KCNIP4: variants seen among roughly 807,000 people sequenced by gnomAD.
The protein encoded by KCNIP4 is potassium voltage-gated channel interacting protein 4.
Under a neutral mutation model 34.0 loss-of-function variants are expected in KCNIP4, and 12 were observed. The ratio of observed to expected loss-of-function variants is 0.35; its 90% CI spans 0.23 to 0.57. The LOEUF (loss-of-function observed/expected upper bound fraction) is 0.57. KCNIP4 is among the 20% of genes least tolerant of loss of function. The pLI is 0.83. For missense variants in KCNIP4, 238 were observed against 311.7 expected (o/e 0.76, Z 1.78); for synonymous variants, 124 against 102.2 (o/e 1.21, Z -1.29).
intron 1 of KCNIP4, among the ~76,000 whole-genome samples, chr4:21,524,725 T>G (rs574459220): frequency 6.6e-6 from 1 of 152,180 alleles, no homozygotes; most frequent in African/African-American, 2.4e-5. Flanking sequence ...AAATATTTTC[T>G]GTCTATCTCC....
intron 1 of KCNIP4, among the ~76,000 whole-genome samples, chr4:21,702,773 A>T (rs1712961529): frequency 6.6e-6 from 1 of 152,120 alleles, no homozygotes; most frequent in African/African-American, 2.4e-5. Flanking sequence ...GGCATGACAC[A>T]ACAACTAGAG....
At chr4:21,918,163 T>C (rs1373286101) in intron 1 of KCNIP4, among the ~76,000 whole-genome samples, 3 of 151,858 alleles carry the variant, frequency 2.0e-5, no homozygotes, top group South Asian at 4.2e-4. Context: ...ATTGGCTATA[T>C]TTTTCTGCCT....
At chr4:20,953,126 G>A (rs1422416023) in intron 1 of KCNIP4, among the ~76,000 whole-genome samples, 1 of 152,184 alleles carries the variant, frequency 6.6e-6, no homozygotes, top group Non-Finnish European at 1.5e-5. Flanking sequence ...ACTTGCTAAG[G>A]TTTCATAATG....
chr4:21,025,543 GTTTTT>G (rs772689134), intron 1 of KCNIP4, among the ~76,000 whole-genome samples: 5 of 34,786 alleles, frequency 1.4e-4, no homozygotes, highest in African/African-American at 2.0e-4. Flanking sequence ...CATTGATACT[GTTTTT>G]TTTTTTTTTT....
chr4:21,583,489 A>T (rs999942891), intron 1 of KCNIP4, among the ~76,000 whole-genome samples: 1 of 152,036 alleles, frequency 6.6e-6, no homozygotes, highest in Non-Finnish European at 1.5e-5. Context: ...ATTAAGGTTG[A>T]GAATAGTCAT....
intron 1 of KCNIP4, among the ~76,000 whole-genome samples, chr4:21,401,655 C>A (rs1723571657): frequency 6.6e-6 from 1 of 152,194 alleles, no homozygotes; most frequent in Admixed American, 6.5e-5. Flanking sequence ...AATTAAGGAG[C>A]AGAGTATCCC....
chr4:21,413,045 A>C (rs1382016435), intron 1 of KCNIP4, among the ~76,000 whole-genome samples: 1 of 152,200 alleles, frequency 6.6e-6, no homozygotes, highest in South Asian at 2.1e-4. Flanking sequence ...CAAGTAGCCC[A>C]TATATATGTC....
chr4:21,265,652 T>G (rs2322879), intron 1 of KCNIP4, among the ~76,000 whole-genome samples: 66,730 of 151,918 alleles, frequency 0.44, 15,339 homozygotes, highest in South Asian at 0.57. Flanking sequence ...TTGAATAAAG[T>G]TATTGACCTC....
chr4:20,793,616 T>C (rs1183882183), intron 3 of KCNIP4, among the ~76,000 whole-genome samples: 1 of 152,088 alleles, frequency 6.6e-6, no homozygotes, highest in African/African-American at 2.4e-5. Flanking sequence ...TTTCCACGGA[T>C]GGGGTGGGAT....
chr4:20,749,189 C>CTGTAGATACAA (rs113598837), intron 5 of KCNIP4, among the ~76,000 whole-genome samples: 24,948 of 150,680 alleles, frequency 0.17, 2,154 homozygotes, highest in Middle Eastern at 0.24. Flanking sequence ...CTCTACAGAT[C>CTGTAGATACAA]ACTTAAAGTT....
Position 21,735,045 on chromosome 4 carries a change from G to A in KCNIP4, c.61+213526C>T, listed in dbSNP as rs145978535. On this transcript the variant is annotated intron_variant, in intron 1 of 8. Coordinates refer to ENST00000382152, the MANE Select transcript of KCNIP4 (RefSeq NM_025221.6). ...AACTGATATTTGCTGAATTTCTTCT[G>A]TGTTCCAAGTACCATGTTAAGTCCT... 2.7e-3 allele frequency among the ~76,000 whole-genome samples: 418 copies of A among 152,170 alleles called. 2 individuals are homozygous for A. Among genetic ancestry groups the A allele is most frequent in the African/African-American group, 9.2e-3 (384 of 41,524 alleles).
intron 1 of KCNIP4, among the ~76,000 whole-genome samples, chr4:21,598,774 A>G (rs1742859688): frequency 6.6e-6 from 1 of 152,072 alleles, no homozygotes; most frequent in African/African-American, 2.4e-5. Context: ...GTTCTTTTGC[A>G]TTCATGCACC....
intron 1 of KCNIP4, among the ~76,000 whole-genome samples, chr4:21,180,128 C>A (rs550816556): frequency 6.6e-6 from 1 of 152,282 alleles, no homozygotes; most frequent in African/African-American, 2.4e-5. Flanking sequence ...CACAAATATA[C>A]CACAATGTTT....
chr4:21,826,643 T>A (rs998119976), intron 1 of KCNIP4, among the ~76,000 whole-genome samples: 1 of 152,016 alleles, frequency 6.6e-6, no homozygotes, highest in African/African-American at 2.4e-5. Flanking sequence ...TGATCACATG[T>A]GAAAAAAATA....
At chr4:21,254,650 G>A (rs1007207341) in intron 1 of KCNIP4, among the ~76,000 whole-genome samples, 1 of 152,088 alleles carries the variant, frequency 6.6e-6, no homozygotes, top group Non-Finnish European at 1.5e-5. Context: ...TACCTCCACT[G>A]CTTAATGCTG....
intron 1 of KCNIP4, among the ~76,000 whole-genome samples, chr4:21,799,368 T>C (rs1720851618): frequency 6.6e-6 from 1 of 152,170 alleles, no homozygotes; most frequent in East Asian, 1.9e-4. Flanking sequence ...CACCACACTC[T>C]TAAACTTTTC....
At position 20,772,020 on chromosome 4, in the gene KCNIP4, T is replaced by A. The variant is rs575348147; in HGVS notation, c.289-13130A>T. Among the ~76,000 whole-genome samples, 4 of 152,278 alleles carry A rather than the reference T, an allele frequency of 2.6e-5. No homozygotes were observed. The South Asian group carries it at 8.3e-4, about 32-fold the overall frequency. On this transcript the variant is annotated intron_variant, in intron 3 of 8. Coordinates refer to ENST00000382152, the MANE Select transcript of KCNIP4 (RefSeq NM_025221.6). ...TCGTGGTCTGCTGGGCACTGAGCCATGTGGTGTAGGAGATACATGTTCTCA... is the reference window on the plus strand; with the variant it reads ...TCGTGGTCTGCTGGGCACTGAGCCAAGTGGTGTAGGAGATACATGTTCTCA...
At chr4:21,825,101 A>T (rs2109296948) in intron 1 of KCNIP4, among the ~76,000 whole-genome samples, 1 of 152,308 alleles carries the variant, frequency 6.6e-6, no homozygotes, top group East Asian at 1.9e-4. Flanking sequence ...TTCTGGAATT[A>T]TTTCACATGT....
chr4:20,855,475 A>T (rs1721474892), intron 2 of KCNIP4, among the ~76,000 whole-genome samples: 1 of 152,104 alleles, frequency 6.6e-6, no homozygotes, highest in African/African-American at 2.4e-5. Flanking sequence ...GTCAGTTGGA[A>T]ATGTAGTCCT....
Sources: allele counts gnomAD v4.1 joint callset (sites outside exome capture counted in the v4.1 genomes callset), GRCh38; gene constraint gnomAD v4.1.1; transcripts MANE v1.5; gene names NCBI Gene and HGNC (gene_info 2026-07-23, HGNC 2026-07-21).